Variants in DISC1 observed in about 807,000 individuals in gnomAD.
DISC1 encodes the protein DISC1 scaffold protein.
DISC1 carries 57 observed loss-of-function variants against 84.5 expected under a neutral mutation model. The observed-to-expected ratio is 0.67, with a 90% confidence interval of 0.55 to 0.84. DISC1 has a LOEUF of 0.84. Among genes scored for constraint, DISC1 ranks in the 40% least tolerant of loss-of-function variants. The probability of loss-of-function intolerance (pLI) is 0.00; values close to 1 mark genes in which losing one functional copy is unlikely to be tolerated. For synonymous variants in DISC1, 411 were observed against 415.2 expected, an observed-to-expected ratio of 0.99 and a Z score of 0.12; for missense variants, 1,000 against 1,057.8, an observed-to-expected ratio of 0.95 and a Z score of 0.76.
chr1:231,670,406 A>G (rs997341771), intron 1 of DISC1, among the ~76,000 whole-genome samples: 3 of 152,236 alleles, frequency 2.0e-5, no homozygotes, highest in Non-Finnish European at 4.4e-5. Context: ...CAGGTGGTAC[A>G]TGTGTAAAGA....
At chr1:231,717,355 G>A (rs1313895083) in intron 3 of DISC1, among the ~76,000 whole-genome samples, 1 of 152,176 alleles carries the variant, frequency 6.6e-6, no homozygotes, top group African/African-American at 2.4e-5. Flanking sequence ...GTTATAGGAG[G>A]GATTGGTCTT....
chr1:232,016,610 C>T (rs971530462), intron 11 of DISC1, among the ~76,000 whole-genome samples: 3 of 152,168 alleles, frequency 2.0e-5, no homozygotes, highest in African/African-American at 7.2e-5. Flanking sequence ...AAAGGTTGCC[C>T]TTCAAGTAAA....
At chr1:231,901,928 G>C (rs552892433) in intron 9 of DISC1, among the ~76,000 whole-genome samples, 1 of 152,202 alleles carries the variant, frequency 6.6e-6, no homozygotes, top group East Asian at 1.9e-4. Flanking sequence ...TATGGACCTG[G>C]ATCAGGGCCA....
chr1:231,823,614 A>G (rs923582785), intron 9 of DISC1, among the ~76,000 whole-genome samples: 2 of 152,250 alleles, frequency 1.3e-5, no homozygotes, highest in Admixed American at 1.3e-4. Context: ...TAACACATGC[A>G]GAAAGCTCTT....
intron 6 of DISC1, among the ~76,000 whole-genome samples, chr1:231,782,913 G>A (rs1476066550): frequency 6.6e-6 from 1 of 152,122 alleles, no homozygotes; most frequent in Non-Finnish European, 1.5e-5. Context: ...CTCTACTCCA[G>A]CCTGGGTGAC....
At chr1:231,984,870 G>C (rs976958081) in intron 10 of DISC1, among the ~76,000 whole-genome samples, 14 of 152,172 alleles carry the variant, frequency 9.2e-5, no homozygotes, top group Admixed American at 7.9e-4. Context: ...GCAAGGACAT[G>C]AACTGAACGG....
At chr1:231,821,254 A>G (rs1343927566) in intron 9 of DISC1, among the ~76,000 whole-genome samples, 1 of 152,140 alleles carries the variant, frequency 6.6e-6, no homozygotes, top group Non-Finnish European at 1.5e-5. Context: ...CTGCTTCTTT[A>G]TTCATTTTCC....
chr1:231,741,741 G>A lies in DISC1; in HGVS notation c.1118-8185G>A, dbSNP rs150628863. On this transcript the variant is annotated intron_variant, in intron 3 of 12. Transcript: ENST00000439617. Reference sequence around the variant, plus strand: ...TGGATGTGGAGGAAGAATGACTCTGGCAATGGGAACAGCAGATTCTCCTGA... The same window carrying A: ...TGGATGTGGAGGAAGAATGACTCTGACAATGGGAACAGCAGATTCTCCTGA... Among the ~76,000 whole-genome samples the A allele has an allele frequency of 3.9e-5, 6 of 152,288 alleles. No homozygotes were observed. In the East Asian group the frequency reaches 1.2e-3, roughly 29 times the overall value.
intron 3 of DISC1, among the ~76,000 whole-genome samples, chr1:231,732,081 C>T (rs1030168879): frequency 6.6e-6 from 1 of 152,152 alleles, no homozygotes; most frequent in Non-Finnish European, 1.5e-5. Flanking sequence ...CCTTGGACCC[C>T]TGCTCAGCCA....
At chr1:231,707,701 T>C (rs890417275) in intron 3 of DISC1, among the ~76,000 whole-genome samples, 17 of 144,096 alleles carry the variant, frequency 1.2e-4, no homozygotes, top group African/African-American at 4.2e-4. Context: ...ATGCATTTTA[T>C]GTTTCCTCTT....
chr1:231,948,680 G>A (rs912918426), intron 9 of DISC1, among the ~76,000 whole-genome samples: 1 of 151,874 alleles, frequency 6.6e-6, no homozygotes, highest in African/African-American at 2.4e-5. Flanking sequence ...ACACAAACCA[G>A]AATTGAAGGG....
At chr1:231,920,905 A>ATTTTTTT (rs34325068) in intron 9 of DISC1, among the ~76,000 whole-genome samples, 1 of 112,940 alleles carries the variant, frequency 8.9e-6, no homozygotes, top group African/African-American at 3.4e-5. Context: ...CTGAACTGCT[A>ATTTTTTT]TTTTTTTTTT....
intron 6 of DISC1, among the ~76,000 whole-genome samples, chr1:231,791,564 C>T (rs2078353773): frequency 6.6e-6 from 1 of 152,110 alleles, no homozygotes; most frequent in Non-Finnish European, 1.5e-5. Context: ...CTATTATTTC[C>T]AGGGCAGCCA....
Position 231,698,763 on chromosome 1 carries a change from A to G in DISC1, c.1048-3192A>G, listed in dbSNP as rs531843050. On this transcript the variant is annotated intron_variant, in intron 2 of 12. Coordinates refer to ENST00000439617, the MANE Select transcript of DISC1 (RefSeq NM_018662.3). The surrounding 1 kb of genome is among the most constrained non-coding windows in gnomAD (Gnocchi z 4.9). ...ATTTGGGTGTGGCGATGGTAATGCT[A>G]TAGCTTTATGTGGCCCTCAAACCAT... Among the ~76,000 whole-genome samples, 8 of 152,292 alleles carry G rather than the reference A, an allele frequency of 5.3e-5. No individual in the cohort carries two copies. Among genetic ancestry groups the G allele is most frequent in the African/African-American group, 1.7e-4 (7 of 41,546 alleles).
At position 232,026,493 on chromosome 1, in the gene DISC1, T is replaced by C. The variant is rs757134520; in HGVS notation, c.2366T>C (p.Leu789Pro). 5.6e-6 allele frequency: 9 copies of C among 1,609,096 alleles called. No individual in the cohort carries two copies. Among genetic ancestry groups the C allele is most frequent in the Non-Finnish European group, 7.6e-6 (9 of 1,177,674 alleles). Reference protein sequence around the residue: ...GEKCEDIGKKLLYLEDQLHTA... With the variant: ...GEKCEDIGKKPLYLEDQLHTA... ...AAGTGTGAAGACATAGGCAAGAAGC[T>C]ATTGTACTTGGAAGATCAACTTCAC... The change falls in exon 12 of 13, where the codon CTA becomes CCA. Residue 789 changes from leucine to proline, a missense_variant. Physicochemically the swap from Leu to Pro is moderately conservative, Grantham distance 98. Around this residue, in one of 3 missense-constraint regions of DISC1, gnomAD observed 397 missense variants for 377.5 expected, o/e 1.05. Coordinates refer to ENST00000439617, the MANE Select transcript of DISC1 (RefSeq NM_018662.3).
chr1:231,938,874 C>A (rs1558757433), intron 9 of DISC1, among the ~76,000 whole-genome samples: 2 of 152,186 alleles, frequency 1.3e-5, no homozygotes, highest in African/African-American at 2.4e-5. Context: ...ACACATCTAA[C>A]CCTACATGTT....
chr1:231,636,928 A>G (rs1295181439), intron 1 of DISC1, among the ~76,000 whole-genome samples: 3 of 152,020 alleles, frequency 2.0e-5, no homozygotes, highest in Admixed American at 6.6e-5. Flanking sequence ...TGCATTAGGT[A>G]TTTGTCCTGA....
rs186993210 is a variant in DISC1 at position 231,949,386 on chromosome 1, G to A, written c.1982-9442G>A. Among the ~76,000 whole-genome samples, 8 of 152,310 alleles carry A rather than the reference G, an allele frequency of 5.3e-5. No individual in the cohort carries two copies. In the East Asian group the frequency reaches 1.5e-3, roughly 29 times the overall value. On this transcript the variant is annotated intron_variant, in intron 9 of 12. Coordinates refer to ENST00000439617, the MANE Select transcript of DISC1 (RefSeq NM_018662.3). Reference sequence around the variant, plus strand: ...GCCGGTGCCTGGATGTGGACAGCATGTGTGTGTTTTGAGGTGGGAGTAAGG... The same window carrying A: ...GCCGGTGCCTGGATGTGGACAGCATATGTGTGTTTTGAGGTGGGAGTAAGG...
At chr1:232,006,205 T>C (rs1035390530) in intron 10 of DISC1, among the ~76,000 whole-genome samples, 2 of 152,136 alleles carry the variant, frequency 1.3e-5, no homozygotes, top group African/African-American at 4.8e-5. Flanking sequence ...GAAGATGCCA[T>C]AAAGACCCAA....
Sources: allele counts gnomAD v4.1 joint callset (sites outside exome capture counted in the v4.1 genomes callset), GRCh38; gene constraint gnomAD v4.1.1; regional missense constraint gnomAD v4.1.1; non-coding constraint Gnocchi (gnomAD v3.1); transcripts MANE v1.5; gene names NCBI Gene and HGNC (gene_info 2026-07-23, HGNC 2026-07-21).